Variants in SNPH observed in about 807,000 individuals in gnomAD.
SNPH encodes syntaphilin.
A neutral mutation model predicts 36.8 loss-of-function variants in SNPH; 10 were observed. The observed-to-expected ratio is 0.27, with a 90% CI of 0.17 to 0.46. The LOEUF (loss-of-function observed/expected upper bound fraction) is 0.46. SNPH is among the 20% of genes least tolerant of loss of function. The pLI, the probability that SNPH is intolerant of heterozygous loss-of-function variation, is 1.00. For synonymous variants in SNPH, 281 were observed against 312.2 expected (o/e 0.90, Z 1.05); for missense variants, 622 against 744.0 (o/e 0.84, Z 1.91).
intron 2 of SNPH, among the ~76,000 whole-genome samples, chr20:1,293,894 C>T (rs2088395055): frequency 6.6e-6 from 1 of 152,192 alleles, no homozygotes; most frequent in Admixed American, 6.5e-5. Flanking sequence ...AGGCCACACG[C>T]AGCTCCAAGA....
chr20:1,284,591 A>G (rs1479257191), intron 2 of SNPH, among the ~76,000 whole-genome samples: 1 of 152,194 alleles, frequency 6.6e-6, no homozygotes, highest in African/African-American at 2.4e-5. Context: ...TGGTCAGAGA[A>G]GATTCACTGA....
chr20:1,306,318 G>A lies in SNPH; in HGVS notation c.*264G>A, dbSNP rs1370318601. 8 of 386,362 alleles carry A rather than the reference G, an allele frequency of 2.1e-5. No individual in the cohort carries two copies. Among genetic ancestry groups the A allele is most frequent in the Admixed American group, 4.6e-5 (1 of 21,952 alleles). 23.9% of individuals were successfully genotyped at this position (386,362 alleles called of 1,614,324 possible). ...AAATTGCAGGGAGGGGAGGGAGCGAGGGCCAACCCGGCCCCTCTGTCCCCT... is the reference window on the plus strand; with the variant it reads ...AAATTGCAGGGAGGGGAGGGAGCGAAGGCCAACCCGGCCCCTCTGTCCCCT... On this transcript the variant is annotated 3_prime_UTR_variant, in exon 7 of 7. Coordinates refer to ENST00000381867, the MANE Select transcript of SNPH (RefSeq NM_001318234.2).
rs1046627618 is a variant in SNPH, at chr20:1,285,920, C to A, written c.-492-9031C>A. Among the ~76,000 whole-genome samples the A allele has an allele frequency of 6.6e-6, 1 of 151,822 alleles. No homozygotes were observed. Among genetic ancestry groups the A allele is most frequent in the Non-Finnish European group, 1.5e-5 (1 of 67,982 alleles). ...GACCATCCTGGCCAATATGGTGAAA[C>A]CCCGTCTCTACTAAAAATACAAAAA... On this transcript the variant is annotated intron_variant, in intron 2 of 6. Transcript: ENST00000381867. This position sits in a 1 kb window ranked among gnomAD's most constrained non-coding sequence, Gnocchi z 4.9.
chr20:1,280,456 A>G (rs2122291342), intron 2 of SNPH, among the ~76,000 whole-genome samples: 1 of 152,348 alleles, frequency 6.6e-6, no homozygotes, highest in Non-Finnish European at 1.5e-5. Context: ...GCAGAAGTCC[A>G]GTGAATTTTC....
chr20:1,280,991 A>G lies in SNPH; in HGVS notation c.-492-13960A>G, dbSNP rs572786592. On this transcript the variant is annotated intron_variant, in intron 2 of 6. Coordinates refer to ENST00000381867, the MANE Select transcript of SNPH (RefSeq NM_001318234.2). Reference sequence around the variant, plus strand: ...CTCACAGGCCAGAACTGTCTCTGCAACTCTGGGTGGAGTGGGGGGTGTGTT... The same window carrying G: ...CTCACAGGCCAGAACTGTCTCTGCAGCTCTGGGTGGAGTGGGGGGTGTGTT... 4.6e-5 allele frequency among the ~76,000 whole-genome samples: 7 copies of G among 151,888 alleles called. No individual in the cohort carries two copies. In the South Asian group the frequency reaches 1.3e-3, roughly 27 times the overall value.
chr20:1,291,579 T>C (rs2088361992), intron 2 of SNPH, among the ~76,000 whole-genome samples: 1 of 152,210 alleles, frequency 6.6e-6, no homozygotes, highest in African/African-American at 2.4e-5. Context: ...CCAGGCACTC[T>C]GCTGTCTGAT....
intron 2 of SNPH, among the ~76,000 whole-genome samples, chr20:1,280,253 C>G (rs758929050): frequency 5.3e-5 from 8 of 152,174 alleles, no homozygotes; most frequent in African/African-American, 7.2e-5. Flanking sequence ...CAGTAACTCC[C>G]AAAGGGTGGG....
rs568926793 is a variant in SNPH at position 1,306,732 on chromosome 20, CTGTT to C, written c.*679_*682del. 2.8e-3 allele frequency: 431 copies of C among 152,992 alleles called. 2 individuals are homozygous for C. The highest frequency in any genetic ancestry group is 4.5e-3 in the Non-Finnish European group (310 of 68,544). The allele number at this position is 152,992 out of a possible 1,614,324, so 9.5% of individuals were successfully genotyped here. A position where few individuals can be genotyped will look rare whatever the true frequency, so the allele number is the denominator to read the frequency against. ...AGGGCAGTGTGGGTTCTGTGTCTGT[CTGTT>C]CATCCCAGGCTTTCCCGTCATCCCT... is the stretch of plus-strand genomic sequence containing the variant. On this transcript the variant is annotated 3_prime_UTR_variant, in exon 7 of 7. Coordinates refer to ENST00000381867, the MANE Select transcript of SNPH (RefSeq NM_001318234.2).
chr20:1,309,303 G>A lies in SNPH; in HGVS notation c.*3249G>A, dbSNP rs1447723198. Reference sequence around the variant, plus strand: ...AGTTGTACCTGCAGCAGACAACTCTGAATTAAAGCATGAAAACACAGCAAG... The same window carrying A: ...AGTTGTACCTGCAGCAGACAACTCTAAATTAAAGCATGAAAACACAGCAAG... On this transcript the variant is annotated 3_prime_UTR_variant, in exon 7 of 7. Coordinates refer to ENST00000381867, the MANE Select transcript of SNPH (RefSeq NM_001318234.2). The A allele has an allele frequency of 6.6e-6, 1 of 152,582 alleles. No individual in the cohort carries two copies. Among genetic ancestry groups the A allele is most frequent in the Admixed American group, 6.5e-5 (1 of 15,288 alleles). The allele number at this position is 152,582 out of a possible 1,614,324, so 9.5% of individuals were successfully genotyped here. A position where few individuals can be genotyped will look rare whatever the true frequency, so the allele number is the denominator to read the frequency against.
At position 1,285,464 on chromosome 20, in the gene SNPH, A is replaced by C. The variant is rs1451411423; in HGVS notation, c.-492-9487A>C. Reference sequence around the variant, plus strand: ...GTAATATACATGAATAACATTGAGAATAAGAATATATTCAGGCGAATAAAT... The same window carrying C: ...GTAATATACATGAATAACATTGAGACTAAGAATATATTCAGGCGAATAAAT... On this transcript the variant is annotated intron_variant, in intron 2 of 6. Coordinates refer to ENST00000381867, the MANE Select transcript of SNPH (RefSeq NM_001318234.2). The surrounding 1 kb of genome is among the most constrained non-coding windows in gnomAD (Gnocchi z 4.9). Among the ~76,000 whole-genome samples, 1 of 152,208 alleles carries C rather than the reference A, an allele frequency of 6.6e-6. No individual in the cohort carries two copies. Among genetic ancestry groups the C allele is most frequent in the African/African-American group, 2.4e-5 (1 of 41,444 alleles).
In SNPH at chr20:1,297,120, ACCTGCCTCTTCTT is replaced by A. The variant is rs1229733323; in HGVS notation, c.183-16_183-4del. The stretch of plus-strand genomic sequence containing the variant: ...CAGCTGCCCGCCAGCCAGAACGAGC[ACCTGCCTCTTCTT>A]CCTGCCTCCAGGCGCACCTCTCCAC... On this transcript the variant is annotated splice_polypyrimidine_tract_variant and intron_variant, in intron 4 of 6. Coordinates refer to ENST00000381867, the MANE Select transcript of SNPH (RefSeq NM_001318234.2). 6.2e-7 allele frequency: 1 copy of A among 1,601,018 alleles called. No homozygotes were observed. Among genetic ancestry groups the A allele is most frequent in the African/African-American group, 1.3e-5 (1 of 74,646 alleles).
intron 2 of SNPH, among the ~76,000 whole-genome samples, chr20:1,293,337 T>C (rs2122375169): frequency 6.6e-6 from 1 of 152,200 alleles, no homozygotes. Flanking sequence ...GGAGGGAAGT[T>C]CAGTGAGGGC....
chr20:1,281,653 T>A (rs1177078797), intron 2 of SNPH, among the ~76,000 whole-genome samples: 1 of 152,234 alleles, frequency 6.6e-6, no homozygotes, highest in Non-Finnish European at 1.5e-5. Context: ...GGAGAACAAC[T>A]ATGCACCTGT....
At chr20:1,289,089 G>A (rs1469038412) in intron 2 of SNPH, among the ~76,000 whole-genome samples, 1 of 152,182 alleles carries the variant, frequency 6.6e-6, no homozygotes, top group Non-Finnish European at 1.5e-5. Flanking sequence ...TTATGCAGCA[G>A]AATGATAAGT....
chr20:1,274,338 G>A (rs2088106699), intron 2 of SNPH, among the ~76,000 whole-genome samples: 1 of 151,724 alleles, frequency 6.6e-6, no homozygotes, highest in African/African-American at 2.4e-5. Context: ...TTTTGGCTCA[G>A]TTCAAGGGAT....
intron 2 of SNPH, among the ~76,000 whole-genome samples, chr20:1,268,876 T>C (rs543384071): frequency 6.6e-6 from 1 of 152,324 alleles, no homozygotes. Context: ...GCTACTGTTA[T>C]TATTGCTATT....
chr20:1,293,120 A>G (rs1453881729), intron 2 of SNPH, among the ~76,000 whole-genome samples: 3 of 152,234 alleles, frequency 2.0e-5, no homozygotes, highest in African/African-American at 7.2e-5. Flanking sequence ...GGCTCAGAGA[A>G]GTGGGTGACT....
chr20:1,277,987 CGT>C (rs1314020516), intron 2 of SNPH, among the ~76,000 whole-genome samples: 2 of 125,176 alleles, frequency 1.6e-5, no homozygotes, highest in African/African-American at 6.2e-5. Context: ...GTGTGTGTGG[CGT>C]GTCTGTGTGT....
chr20:1,268,208 A>G (rs975262509), intron 2 of SNPH, among the ~76,000 whole-genome samples: 1 of 152,210 alleles, frequency 6.6e-6, no homozygotes, highest in East Asian at 1.9e-4. Context: ...CTAGCAAATG[A>G]TGGTCCCAAG....
Sources: allele counts gnomAD v4.1 joint callset (sites outside exome capture counted in the v4.1 genomes callset), GRCh38; gene constraint gnomAD v4.1.1; non-coding constraint Gnocchi (gnomAD v3.1); transcripts MANE v1.5; gene names NCBI Gene and HGNC (gene_info 2026-07-23, HGNC 2026-07-21).